R3HDM1: variants seen among roughly 807,000 people sequenced by gnomAD.
R3HDM1 encodes the protein R3H domain-containing protein 1.
In R3HDM1, 46 loss-of-function variants were observed where a neutral mutation model predicts 141.1. That is an observed-to-expected ratio of 0.33 (90% CI 0.26 to 0.42). The LOEUF (loss-of-function observed/expected upper bound fraction) is 0.42, where lower values mean the gene tolerates loss of function less well. Among genes scored for constraint, R3HDM1 ranks in the 10% least tolerant of loss-of-function variants. The pLI is 1.00. For synonymous variants in R3HDM1, 435 were observed against 472.9 expected, an observed-to-expected ratio of 0.92 and a Z score of 1.04; for missense variants, 1,184 against 1,368.3, an observed-to-expected ratio of 0.87 and a Z score of 2.12.
intron 1 of R3HDM1, among the ~76,000 whole-genome samples, chr2:135,539,134 T>G (rs1696895568): frequency 6.6e-6 from 1 of 152,150 alleles, no homozygotes; most frequent in African/African-American, 2.4e-5. Flanking sequence ...CTGGAATACC[T>G]CTTCAAGGAC....
intron 1 of R3HDM1, chr2:135,577,021 T>C (rs1322009044): frequency 1.3e-6 from 1 of 741,566 alleles, no homozygotes; most frequent in Non-Finnish European, 1.6e-6. Context: ...ATAAATTATA[T>C]CCAATAATTA....
chr2:135,577,527 C>T (rs752196265), intron 1 of R3HDM1, among the ~76,000 whole-genome samples: 12 of 151,078 alleles, frequency 7.9e-5, no homozygotes, highest in Non-Finnish European at 1.3e-4. Context: ...AAAATTGGGC[C>T]TTAAGCACAT....
intron 18 of R3HDM1, among the ~76,000 whole-genome samples, chr2:135,659,640 G>A (rs2066431433): frequency 6.6e-6 from 1 of 152,006 alleles, no homozygotes; most frequent in Non-Finnish European, 1.5e-5. Context: ...GTCTCACTAT[G>A]TGGCCCAGTC....
rs914954378 is a variant in R3HDM1 at position 135,531,604 on chromosome 2, C to G, written c.-279C>G. 5 of 987,130 alleles carry G rather than the reference C, an allele frequency of 5.1e-6. No homozygotes were observed. Among genetic ancestry groups the G allele is most frequent in the Non-Finnish European group, 6.0e-6 (5 of 830,928 alleles). 61.1% of individuals were successfully genotyped at this position (987,130 alleles called of 1,614,324 possible). A position where few individuals can be genotyped will look rare whatever the true frequency, so the allele number is the denominator to read the frequency against. On this transcript the variant is annotated 5_prime_UTR_variant, in exon 1 of 27. Transcript: ENST00000683871. ...CGCCGTCGCCCCGCCGCGCCGCGCT[C>G]CAACCGCCTCCTCCTCCTCAGTAAC...
At chr2:135,568,531 G>A (rs1461429590) in intron 1 of R3HDM1, among the ~76,000 whole-genome samples, 1 of 151,620 alleles carries the variant, frequency 6.6e-6, no homozygotes, top group African/African-American at 2.4e-5. Flanking sequence ...TGTATTTTTA[G>A]TAGAGACATG....
intron 1 of R3HDM1, among the ~76,000 whole-genome samples, chr2:135,547,717 T>C (rs931971950): frequency 6.6e-6 from 1 of 151,764 alleles, no homozygotes; most frequent in African/African-American, 2.4e-5. Context: ...GAAGGTTGCT[T>C]AGGAAATAAA....
At chr2:135,667,674 G>T (rs1192149471) in intron 19 of R3HDM1, 1 of 977,438 alleles carries the variant, frequency 1.0e-6, no homozygotes, top group Non-Finnish European at 1.2e-6. Flanking sequence ...TACTCTTCTT[G>T]TAGCATTTTT....
At chr2:135,664,798 G>A (rs2067251804) in intron 19 of R3HDM1, among the ~76,000 whole-genome samples, 1 of 152,174 alleles carries the variant, frequency 6.6e-6, no homozygotes. Flanking sequence ...AGAAACCCTG[G>A]CTACACACAT....
chr2:135,575,087 T>C (rs1559151976), intron 1 of R3HDM1, among the ~76,000 whole-genome samples: 1 of 152,224 alleles, frequency 6.6e-6, no homozygotes, highest in Non-Finnish European at 1.5e-5. Flanking sequence ...TCAAAACTTT[T>C]TAAGCAGTCA....
intron 20 of R3HDM1, among the ~76,000 whole-genome samples, chr2:135,676,452 G>C (rs190682083): frequency 2.3e-4 from 35 of 152,284 alleles, no homozygotes; most frequent in African/African-American, 8.2e-4. Flanking sequence ...TATTTATGGA[G>C]TAACTTGCAA....
intron 5 of R3HDM1, among the ~76,000 whole-genome samples, chr2:135,618,463 ATTTTTTTTT>A: frequency 8.1e-6 from 1 of 124,110 alleles, no homozygotes; most frequent in Admixed American, 8.2e-5. Flanking sequence ...CGCCCGGCTG[ATTTTTTTTT>A]TTTTTTTTTT....
intron 1 of R3HDM1, chr2:135,583,938 G>C (rs1018012220): frequency 3.0e-6 from 3 of 985,278 alleles, no homozygotes; most frequent in Non-Finnish European, 3.6e-6. Context: ...GTTAAACCCT[G>C]TAGAGTCAAT....
chr2:135,668,046 CTTTAT>C (rs1217744435), intron 19 of R3HDM1, among the ~76,000 whole-genome samples: 14 of 152,192 alleles, frequency 9.2e-5, no homozygotes, highest in African/African-American at 3.4e-4. Flanking sequence ...TTAAATGATC[CTTTAT>C]TTTATGTTAA....
At chr2:135,624,841 T>C (rs564165406) in intron 7 of R3HDM1, among the ~76,000 whole-genome samples, 2 of 152,130 alleles carry the variant, frequency 1.3e-5, no homozygotes, top group African/African-American at 2.4e-5. Flanking sequence ...TTGAAAGATA[T>C]TTAGGAAGTA....
At chr2:135,694,614 G>T (rs2072960249) in intron 21 of R3HDM1, among the ~76,000 whole-genome samples, 1 of 152,182 alleles carries the variant, frequency 6.6e-6, no homozygotes, top group African/African-American at 2.4e-5. Context: ...TGAGTCTTAG[G>T]ATTGCCCCAG....
chr2:135,715,579 T>G lies in R3HDM1; in HGVS notation c.2766T>G (p.Ile922Met). The G allele has an allele frequency of 6.2e-7, 1 of 1,614,126 alleles. No homozygotes were observed. Among genetic ancestry groups the G allele is most frequent in the South Asian group, 1.1e-5 (1 of 91,064 alleles). The change falls in exon 24 of 27, where the codon ATT becomes ATG. Residue 922 changes from isoleucine (I) to methionine (M), a missense_variant. Physicochemically the swap from Ile to Met is conservative, Grantham distance 10 (BLOSUM62 1). This residue lies in a region of R3HDM1 where 563 missense variants were observed against 562.0 expected (regional missense o/e 1.00). Transcript: ENST00000683871. ...GCCCTCAACTCAGTAGCCCCATTAT[T>G]TCACCAGCTCAGTCGCCAGCACCAG... Reference protein sequence around the residue: ...QHSPQLSSPIISPAQSPAPAQ... With the variant: ...QHSPQLSSPIMSPAQSPAPAQ...
intron 19 of R3HDM1, among the ~76,000 whole-genome samples, chr2:135,674,695 T>A (rs74915914): frequency 6.6e-6 from 1 of 152,244 alleles, no homozygotes; most frequent in African/African-American, 2.4e-5. Flanking sequence ...AGCAGATTAC[T>A]TGAGTTGTTT....
chr2:135,719,113 A>C (rs1575254694), intron 24 of R3HDM1, among the ~76,000 whole-genome samples: 1 of 152,054 alleles, frequency 6.6e-6, no homozygotes, highest in African/African-American at 2.4e-5. Flanking sequence ...GTGCCACTGC[A>C]CTCCAGCCTG....
intron 1 of R3HDM1, among the ~76,000 whole-genome samples, chr2:135,547,851 G>A (rs1196420816): frequency 2.9e-5 from 4 of 139,232 alleles, no homozygotes; most frequent in Non-Finnish European, 6.0e-5. Context: ...TCGGCTCACT[G>A]CAATCTCCAC....
Sources: gnomAD v4.1 joint callset for allele counts (sites outside exome capture counted in the v4.1 genomes callset) on GRCh38, gnomAD v4.1.1 for gene constraint, gnomAD v4.1.1 regional missense constraint, MANE v1.5 for transcripts, NCBI Gene and HGNC (gene_info 2026-07-23, HGNC 2026-07-21) for gene names.